The following CAMKMT variants were observed in gnomAD, a reference collection of about 807,000 sequenced individuals.
CAMKMT encodes the protein CaM KMT.
Under a neutral mutation model 48.0 loss-of-function variants are expected in CAMKMT, and 53 were observed. The observed-to-expected ratio is 1.10, with a 90% CI of 0.89 to 1.39. The LOEUF (loss-of-function observed/expected upper bound fraction) is 1.39. CAMKMT is among the 40% of genes most tolerant of loss of function. The pLI is 0.00. For synonymous variants in CAMKMT, 165 were observed against 152.3 expected, an observed-to-expected ratio of 1.08 and a Z score of -0.61; for missense variants, 428 against 402.7, an observed-to-expected ratio of 1.06 and a Z score of -0.54.
At chr2:44,621,281 A>ATAAAATAAAATAAAAT (rs1558750192) in intron 3 of CAMKMT, among the ~76,000 whole-genome samples, 26 of 151,068 alleles carry the variant, frequency 1.7e-4, no homozygotes, top group African/African-American at 6.1e-4. Flanking sequence ...AAAAAAAAAA[A>ATAAAATAAAATAAAAT]AAAAGCATAA....
At chr2:44,626,601 C>G (rs72867722) in intron 3 of CAMKMT, among the ~76,000 whole-genome samples, 5,672 of 152,202 alleles carry the variant, frequency 0.037, 290 homozygotes, top group African/African-American at 0.12. Context: ...CCCATTCCTT[C>G]TCGACTGTAT....
At chr2:44,748,011 G>C (rs959544506) in intron 8 of CAMKMT, among the ~76,000 whole-genome samples, 1 of 152,108 alleles carries the variant, frequency 6.6e-6, no homozygotes, top group Non-Finnish European at 1.5e-5. Context: ...TTTTTTAATA[G>C]ATCCACTTAA....
At chr2:44,666,080 A>G (rs1674949919) in intron 3 of CAMKMT, among the ~76,000 whole-genome samples, 1 of 152,206 alleles carries the variant, frequency 6.6e-6, no homozygotes, top group Non-Finnish European at 1.5e-5. Flanking sequence ...TCAGAGATAC[A>G]TCCAGATTGA....
intron 3 of CAMKMT, among the ~76,000 whole-genome samples, chr2:44,421,150 A>C (rs1683911456): frequency 6.6e-6 from 1 of 152,166 alleles, no homozygotes; most frequent in Non-Finnish European, 1.5e-5. Context: ...AAATAGAAAA[A>C]AATCATTAAG....
intron 3 of CAMKMT, among the ~76,000 whole-genome samples, chr2:44,532,575 A>T (rs936039): frequency 6.6e-6 from 1 of 151,930 alleles, no homozygotes; most frequent in Admixed American, 6.6e-5. Flanking sequence ...CTGGGGAAAA[A>T]TGGCATGGAA....
At chr2:44,727,111 G>C (rs1186110578) in intron 7 of CAMKMT, among the ~76,000 whole-genome samples, 1 of 151,860 alleles carries the variant, frequency 6.6e-6, no homozygotes, top group Non-Finnish European at 1.5e-5. Flanking sequence ...CTCTTTTTTT[G>C]GTTCCATATG....
chr2:44,391,725 C>G (rs1300899937), intron 3 of CAMKMT, among the ~76,000 whole-genome samples: 1 of 152,124 alleles, frequency 6.6e-6, no homozygotes, highest in Non-Finnish European at 1.5e-5. Flanking sequence ...AAATAATTTC[C>G]TAAAGGCATC....
At chr2:44,544,395 T>C (rs760699936) in intron 3 of CAMKMT, among the ~76,000 whole-genome samples, 2 of 152,192 alleles carry the variant, frequency 1.3e-5, no homozygotes, top group African/African-American at 2.4e-5. Flanking sequence ...CTACAATTGA[T>C]TGAGTTACAA....
chr2:44,530,125 A>G lies in CAMKMT; in HGVS notation c.376+139820A>G, dbSNP rs551346946. 9.8e-5 allele frequency among the ~76,000 whole-genome samples: 15 copies of G among 152,306 alleles called. No individual in the cohort carries two copies. In the South Asian group the frequency reaches 2.7e-3, roughly 27 times the overall value. ...GCTCACTTCAATGTCATAGTATTAC[A>G]CCAGGTGGCCTTCTAAGAGTCAGCT... On this transcript the variant is annotated intron_variant, in intron 3 of 10. Transcript: ENST00000378494.
At chr2:44,456,126 G>A (rs76613519) in intron 3 of CAMKMT, among the ~76,000 whole-genome samples, 1,604 of 152,144 alleles carry the variant, frequency 0.011, 33 homozygotes, top group African/African-American at 0.037. Flanking sequence ...TAAAAGTCAG[G>A]TCAACATGAA....
intron 9 of CAMKMT, among the ~76,000 whole-genome samples, chr2:44,756,751 A>G (rs565982027): frequency 1.4e-4 from 21 of 152,014 alleles, no homozygotes; most frequent in South Asian, 8.3e-4. Context: ...CAAAAAAAAA[A>G]AAAAAGAAAA....
chr2:44,522,011 C>CT (rs1353455110), intron 3 of CAMKMT, among the ~76,000 whole-genome samples: 2,178 of 143,572 alleles, frequency 0.015, 37 homozygotes, highest in African/African-American at 0.034. Flanking sequence ...TTCTTTCTTT[C>CT]TTTTTTTTTT....
At chr2:44,760,352 G>A (rs1680565371) in intron 9 of CAMKMT, among the ~76,000 whole-genome samples, 1 of 152,014 alleles carries the variant, frequency 6.6e-6, no homozygotes, top group Non-Finnish European at 1.5e-5. Flanking sequence ...GTGGTTTTGA[G>A]GTTAGGGTTG....
At chr2:44,468,379 G>C (rs1001749731) in intron 3 of CAMKMT, among the ~76,000 whole-genome samples, 1 of 152,138 alleles carries the variant, frequency 6.6e-6, no homozygotes, top group Admixed American at 6.5e-5. Context: ...ACAGAGAAGG[G>C]GGAGCTCATA....
chr2:44,417,796 C>T (rs1022802943), intron 3 of CAMKMT, among the ~76,000 whole-genome samples: 9 of 152,186 alleles, frequency 5.9e-5, no homozygotes, highest in African/African-American at 9.7e-5. Context: ...TTCCTGATGA[C>T]GATGACGTTG....
At chr2:44,648,574 A>AAAC (rs1261592189) in intron 3 of CAMKMT, among the ~76,000 whole-genome samples, 10 of 152,234 alleles carry the variant, frequency 6.6e-5, no homozygotes, top group Non-Finnish European at 4.4e-5. Flanking sequence ...ATCATTTCTT[A>AAAC]AACTATAAGA....
intron 10 of CAMKMT, among the ~76,000 whole-genome samples, chr2:44,770,980 A>T (rs1441829381): frequency 6.6e-6 from 1 of 152,238 alleles, no homozygotes; most frequent in Non-Finnish European, 1.5e-5. Flanking sequence ...CCAGCGGAAA[A>T]GGGGAAGTGG....
chr2:44,494,350 T>G (rs1669654948), intron 3 of CAMKMT, among the ~76,000 whole-genome samples: 1 of 152,214 alleles, frequency 6.6e-6, no homozygotes, highest in East Asian at 1.9e-4. Flanking sequence ...GTGAGTGGTA[T>G]TTTAATATAT....
At chr2:44,590,636 G>A (rs1476240610) in intron 3 of CAMKMT, among the ~76,000 whole-genome samples, 3 of 152,044 alleles carry the variant, frequency 2.0e-5, no homozygotes, top group Non-Finnish European at 4.4e-5. Context: ...TGAGTTCATT[G>A]TATATTCTGG....
Sources: allele counts gnomAD v4.1 joint callset (sites outside exome capture counted in the v4.1 genomes callset), GRCh38; gene constraint gnomAD v4.1.1; transcripts MANE v1.5; gene names NCBI Gene and HGNC (gene_info 2026-07-23, HGNC 2026-07-21).